Variants in COX6C observed in about 807,000 individuals in gnomAD.
COX6C encodes cytochrome c oxidase subunit 6C.
A neutral mutation model predicts 6.9 loss-of-function variants in COX6C; 3 were observed. The ratio of observed to expected loss-of-function variants is 0.43; its 90% CI spans 0.20 to 1.12. COX6C has a LOEUF of 1.12. Among genes scored for constraint, COX6C ranks in the 50% most tolerant of loss-of-function variants. The pLI is 0.27. For missense variants in COX6C, 101 were observed against 97.3 expected (o/e 1.04, Z -0.16); for synonymous variants, 32 against 32.0 (o/e 1.00, Z 0.00).
chr8:99,886,327 C>G (rs964156020), intron 3 of COX6C: 2 of 152,138 alleles, frequency 1.3e-5, no homozygotes, highest in Non-Finnish European at 2.9e-5. Flanking sequence ...GAGGTTGAGG[C>G]TGCAGTGAGC....
At chr8:99,892,073 TG>T in intron 1 of COX6C, 21 bp from the exon 2 acceptor site, 1 of 1,393,520 alleles carries the variant, frequency 7.2e-7, no homozygotes, top group Non-Finnish European at 9.9e-7. Flanking sequence ...TCAGAAAATA[TG>T]ATTAAGTACA....
In COX6C at chr8:99,891,987, C is replaced by T. The variant is rs200470517; in HGVS notation, c.35G>A (p.Arg12His). 28 of 1,613,660 alleles carry T rather than the reference C, an allele frequency of 1.7e-5. No individual in the cohort carries two copies. Among genetic ancestry groups the T allele is most frequent in the Non-Finnish European group, 2.0e-5 (24 of 1,179,928 alleles). ...APEVLPKPRM[R>H]GLLARRLRNH... is the part of the protein sequence containing the mutation. Reference sequence around the variant, plus strand: ...TCGCAGACGCCTGGCCAGAAGGCCACGCATCCGAGGTTTTGGCAAAACTTC... The same window carrying T: ...TCGCAGACGCCTGGCCAGAAGGCCATGCATCCGAGGTTTTGGCAAAACTTC... Residue 12 changes from arginine to histidine, a missense_variant, in exon 2 of 4, where the codon CGT becomes CAT. By Grantham distance (29) the Arg-to-His change is conservative. Coordinates refer to ENST00000520468, the MANE Select transcript of COX6C (RefSeq NM_004374.4).
At chr8:99,887,455 A>AT (rs766072054) in intron 3 of COX6C, 35 bp downstream of exon 3, 493 of 1,295,546 alleles carry the variant, frequency 3.8e-4, no homozygotes, top group Middle Eastern at 7.8e-4. Flanking sequence ...ACAATTAGAA[A>AT]TTTTTTTTTA....
intron 1 of COX6C, chr8:99,893,430 C>G (rs1158938376): frequency 1.3e-5 from 2 of 152,302 alleles, no homozygotes; most frequent in Non-Finnish European, 1.5e-5. Context: ...TCGGTGGGGC[C>G]GTCGCAACCC....
Position 99,892,310 on chromosome 8 carries a change from G to GA in COX6C, c.-31-259dup, listed in dbSNP as rs1342178659. ...GGATTCCGGCCTACAAGTGAGTTAA[G>GA]AAAAAATGAGAGGCAATTCCTAAAC... On this transcript the variant is annotated intron_variant, in intron 1 of 3. Transcript: ENST00000520468. Among the ~76,000 whole-genome samples the GA allele has an allele frequency of 3.9e-5, 6 of 152,056 alleles. No individual in the cohort carries two copies. In the East Asian group the frequency reaches 1.2e-3, roughly 29 times the overall value.
At chr8:99,884,501 T>C (rs534371343) in intron 3 of COX6C, among the ~76,000 whole-genome samples, 27 of 152,302 alleles carry the variant, frequency 1.8e-4, no homozygotes, top group South Asian at 2.1e-4. Context: ...ATCTCATTCA[T>C]GCAATCCCCA....
intron 3 of COX6C, among the ~76,000 whole-genome samples, chr8:99,884,457 A>G (rs1181940641): frequency 6.6e-6 from 1 of 152,226 alleles, no homozygotes; most frequent in East Asian, 1.9e-4. Context: ...GATGAAACAG[A>G]TATATACCTG....
At position 99,883,423 on chromosome 8, in the gene COX6C, G is replaced by GTATA. The variant is rs1266613041; in HGVS notation, c.*15+4063_*15+4066dup. 6.1e-5 allele frequency among the ~76,000 whole-genome samples: 9 copies of GTATA among 146,690 alleles called. No homozygotes were observed. In the South Asian group the frequency reaches 1.9e-3, roughly 31 times the overall value. ...TGTGTGTATATATATGTGTGTGTGT[G>GTATA]TATATATGTATGTGTGTGTGTGTGT... On this transcript the variant is annotated intron_variant, in intron 3 of 3. Transcript: ENST00000520468.
intron 2 of COX6C, among the ~76,000 whole-genome samples, chr8:99,891,069 C>T (rs1818025407): frequency 6.6e-6 from 1 of 152,260 alleles, no homozygotes; most frequent in Admixed American, 6.5e-5. Context: ...AGCTATGCTG[C>T]CTTCCCAGCC....
intron 2 of COX6C, among the ~76,000 whole-genome samples, chr8:99,890,754 C>A (rs1012722949): frequency 6.6e-6 from 1 of 151,840 alleles, no homozygotes; most frequent in Admixed American, 6.6e-5. Flanking sequence ...AACATTTTTA[C>A]GGAAAAGTTG....
At chr8:99,878,422 C>CT (rs775001124) in intron 3 of COX6C, 157 bp from the exon 4 acceptor site, 1 of 152,284 alleles carries the variant, frequency 6.6e-6, no homozygotes, top group Non-Finnish European at 1.5e-5. Context: ...TACCTGGACT[C>CT]CAAGTTTCAC....
intron 3 of COX6C, among the ~76,000 whole-genome samples, chr8:99,882,499 A>G (rs1817879619): frequency 6.6e-6 from 1 of 152,206 alleles, no homozygotes. Flanking sequence ...AATTACAAGG[A>G]AATTTTTAAA....
intron 1 of COX6C, 108 bp downstream of exon 1, chr8:99,893,531 G>A (rs1411938330): frequency 6.6e-6 from 1 of 152,342 alleles, no homozygotes; most frequent in Non-Finnish European, 1.5e-5. Flanking sequence ...GCTGCACCAC[G>A]GCGGAGACAC....
chr8:99,888,189 TTGA>T (rs1817973559), intron 2 of COX6C, among the ~76,000 whole-genome samples: 1 of 151,994 alleles, frequency 6.6e-6, no homozygotes. Context: ...ATCATGCTAC[TTGA>T]TGGAGTAACG....
chr8:99,891,819 C>T, intron 2 of COX6C, 89 bp downstream of exon 2: 2 of 1,116,342 alleles, frequency 1.8e-6, no homozygotes, highest in Non-Finnish European at 1.4e-6. Context: ...TAGAAAGAAA[C>T]ACATTACAAG....
chr8:99,890,322 A>T (rs927582701), intron 2 of COX6C, among the ~76,000 whole-genome samples: 1 of 152,056 alleles, frequency 6.6e-6, no homozygotes, highest in Non-Finnish European at 1.5e-5. Flanking sequence ...TATGACCCAC[A>T]ATAACTGTGA....
chr8:99,879,954 G>A (rs1817836204), intron 3 of COX6C, among the ~76,000 whole-genome samples: 1 of 152,162 alleles, frequency 6.6e-6, no homozygotes, highest in African/African-American at 2.4e-5. Context: ...AGAGACAAAA[G>A]AATAACAGAA....
chr8:99,880,895 T>C lies in COX6C; in HGVS notation c.*16-2630A>G, dbSNP rs116909561. Among the ~76,000 whole-genome samples, 366 of 152,150 alleles carry C rather than the reference T, an allele frequency of 2.4e-3. 9 individuals are homozygous for C. The East Asian group carries it at 0.042, about 17-fold the overall frequency. ...ATCCCACAAAACAGTCCTTCAAAAA[T>C]GAAGGAGAAATTCCCAGATAAAAAA... On this transcript the variant is annotated intron_variant, in intron 3 of 3. Coordinates refer to ENST00000520468, the MANE Select transcript of COX6C (RefSeq NM_004374.4).
At chr8:99,883,471 A>ATATTTTTT (rs528881148) in intron 3 of COX6C, among the ~76,000 whole-genome samples, 4 of 137,718 alleles carry the variant, frequency 2.9e-5, no homozygotes, top group African/African-American at 1.1e-4. Context: ...ATATATATAT[A>ATATTTTTT]TTTTTTTTTT....
Sources: gnomAD v4.1 joint callset for allele counts (sites outside exome capture counted in the v4.1 genomes callset) on GRCh38, gnomAD v4.1.1 for gene constraint, MANE v1.5 for transcripts, NCBI Gene and HGNC (gene_info 2026-07-23, HGNC 2026-07-21) for gene names.